Variants in PSG8 observed in about 807,000 individuals in gnomAD.
PSG8 encodes pregnancy specific beta-1-glycoprotein 8.
PSG8 carries 57 observed loss-of-function variants against 42.5 expected under a neutral mutation model. That is an observed-to-expected ratio of 1.34 (90% CI 1.08 to 1.67). The LOEUF (loss-of-function observed/expected upper bound fraction) is 1.67. Among genes scored for constraint, PSG8 ranks in the 40% most tolerant of loss-of-function variants. PSG8 has a pLI of 0.00. For synonymous variants in PSG8, 280 were observed against 196.8 expected (o/e 1.42, Z -3.54); for missense variants, 783 against 518.6 (o/e 1.51, Z -4.95).
At chr19:42,753,997 G>A, downstream of PSG8, 1 of 734,380 alleles carries the variant, frequency 1.4e-6, no homozygotes, top group Non-Finnish European at 2.2e-6. Context: ...GGTTAAAAGA[G>A]AAAAATTCCG....
chr19:42,755,137 A>T lies in PSG8; in HGVS notation c.839T>A (p.Leu280His), dbSNP rs560841302. The T allele has an allele frequency of 2.4e-5, 39 of 1,611,860 alleles. No homozygotes were observed. The South Asian group carries it at 4.3e-4, about 18-fold the overall frequency. The change falls in exon 4 of 5, where the codon CTC becomes CAC. Residue 280 changes from leucine (L) to histidine (H), a missense_variant. Physicochemically the swap from Leu to His is moderately conservative, Grantham distance 99. Coordinates refer to ENST00000306511, the MANE Select transcript of PSG8 (RefSeq NM_182707.3). ...TCGCTTTACCCTGGGACTGACCGGG[A>T]GGCTCTGACCATTTAGCCACCAAAT... Reference protein sequence around the residue: ...TYIWWLNGQSLPVSPRVKRPI... With the variant: ...TYIWWLNGQSHPVSPRVKRPI...
At chr19:42,764,388 A>G (rs1970162184) in intron 1 of PSG8, 107 bp from the exon 2 acceptor site, 7 of 1,485,764 alleles carry the variant, frequency 4.7e-6, no homozygotes, top group Middle Eastern at 2.2e-4. Flanking sequence ...CCTTGAAGAC[A>G]CAGACACACA....
rs779228247 is a variant in PSG8, at chr19:42,754,550, G to A, written c.1026C>T (p.Thr342=). Residue 342 remains threonine, a synonymous_variant, in exon 5 of 5, where the codon ACC becomes ACT. Coordinates refer to ENST00000306511, the MANE Select transcript of PSG8 (RefSeq NM_182707.3). ...AGAGGACTTCTCCTGAACGGTAATA[G>A]GTGAATGAAGGGTAAATTCTGGGGA... The part of the protein sequence containing the change: ...PDLPRIYPSF[T]YYRSGEVLYL... 37 of 1,613,548 alleles carry A rather than the reference G, an allele frequency of 2.3e-5. No homozygotes were observed. Among genetic ancestry groups the A allele is most frequent in the Non-Finnish European group, 2.9e-5 (34 of 1,179,634 alleles).
intron 2 of PSG8, among the ~76,000 whole-genome samples, chr19:42,762,402 C>T (rs1970100141): frequency 6.6e-6 from 1 of 152,004 alleles, no homozygotes. Context: ...GCTTTAGGGG[C>T]AAGAGGTAGT....
intron 2 of PSG8, among the ~76,000 whole-genome samples, chr19:42,760,643 CA>C (rs1455303143): frequency 2.6e-5 from 4 of 151,976 alleles, no homozygotes; most frequent in Non-Finnish European, 5.9e-5. Flanking sequence ...AGTGCAGTGG[CA>C]TGATCTCATC....
chr19:42,755,345 A>T (rs1969897270), intron 3 of PSG8, 79 bp from the exon 4 acceptor site: 1 of 1,576,502 alleles, frequency 6.3e-7, no homozygotes, highest in South Asian at 1.2e-5. Flanking sequence ...CAGAGTTGGC[A>T]TCTCCCACTT....
chr19:42,765,117 A>G (rs1252211648), intron 1 of PSG8, among the ~76,000 whole-genome samples: 4 of 150,694 alleles, frequency 2.7e-5, no homozygotes, highest in African/African-American at 9.7e-5. Flanking sequence ...CCCCCTATCC[A>G]GGCTCCAATA....
downstream of PSG8, chr19:42,753,298 A>C (rs1969826419): frequency 1.3e-6 from 1 of 780,380 alleles, no homozygotes; most frequent in East Asian, 2.4e-5. Flanking sequence ...CTTCTGGAAC[A>C]GAGTGGGTCT....
chr19:42,759,195 G>A (rs1378233961), intron 2 of PSG8, among the ~76,000 whole-genome samples: 1 of 152,098 alleles, frequency 6.6e-6, no homozygotes, highest in Admixed American at 6.5e-5. Flanking sequence ...TTGGGAAGAA[G>A]CCTTGCAGAT....
chr19:42,764,016 C>A lies in PSG8; in HGVS notation c.330G>T (p.Gln110His). Reference sequence around the variant, plus strand: ...ATCCTGCGTCTTCCTGGGTGACATTCTGGATCAGCAGGGATGCATTGGAAT... The same window carrying A: ...ATCCTGCGTCTTCCTGGGTGACATTATGGATCAGCAGGGATGCATTGGAAT... ...TIYSNASLLIQNVTQEDAGSY... is the reference protein window; with the variant it reads ...TIYSNASLLIHNVTQEDAGSY... The change falls in exon 2 of 5, where the codon CAG becomes CAT. Residue 110 changes from glutamine to histidine, a missense_variant. Physicochemically the swap from Gln to His is conservative, Grantham distance 24. Coordinates refer to ENST00000306511, the MANE Select transcript of PSG8 (RefSeq NM_182707.3). The A allele has an allele frequency of 6.2e-7, 1 of 1,611,680 alleles. No individual in the cohort carries two copies. The highest frequency in any genetic ancestry group is 1.1e-5 in the South Asian group (1 of 90,746).
At chr19:42,759,659 A>G (rs1478805508) in intron 2 of PSG8, among the ~76,000 whole-genome samples, 1 of 152,106 alleles carries the variant, frequency 6.6e-6, no homozygotes, top group African/African-American at 2.4e-5. Context: ...TCAATTTGTA[A>G]TACTGTAATT....
rs7255419 is a variant in PSG8, at chr19:42,764,100, A to T, written c.246T>A (p.Tyr82Ter). The T allele has an allele frequency of 6.2e-7, 1 of 1,613,864 alleles. No homozygotes were observed. The highest frequency in any genetic ancestry group is 1.1e-5 in the South Asian group (1 of 91,072). The change falls in exon 2 of 5, where the codon TAT (tyrosine) becomes TAA (stop). Residue 82 changes from tyrosine to a stop codon, truncating the protein, a stop_gained. Coordinates refer to ENST00000306511, the MANE Select transcript of PSG8 (RefSeq NM_182707.3). LOFTEE classifies it high-confidence loss of function. ...ATATAATTATTTGACCGTCTACTAC[A>T]TATGATGTAATGTAATGGTAGAGGT... ...IRDLYHYITS[Y>*]VVDGQIIIYG...
chr19:42,765,384 T>C, intron 1 of PSG8, 134 bp downstream of exon 1: 1 of 1,389,986 alleles, frequency 7.2e-7, no homozygotes, highest in Non-Finnish European at 9.9e-7. Context: ...GAACTCCTGA[T>C]CTCATGATCC....
At chr19:42,764,638 ACC>A (rs1970170184) in intron 1 of PSG8, among the ~76,000 whole-genome samples, 2 of 151,664 alleles carry the variant, frequency 1.3e-5, no homozygotes. Context: ...CTTTCCTGAC[ACC>A]TCCTTCAGAT....
intron 2 of PSG8, among the ~76,000 whole-genome samples, chr19:42,760,829 G>A (rs939194471): frequency 3.3e-5 from 5 of 152,066 alleles, no homozygotes; most frequent in African/African-American, 7.2e-5. Flanking sequence ...TGCCCGCCTC[G>A]GCCTCCGAAA....
intron 2 of PSG8, 42 bp downstream of exon 2, chr19:42,763,874 C>T (rs371799367): frequency 2.6e-5 from 42 of 1,613,128 alleles, no homozygotes; most frequent in Non-Finnish European, 3.5e-5. Flanking sequence ...GTAGAAGTGA[C>T]CCCTGTCCCC....
chr19:42,758,576 C>T (rs554425423), intron 2 of PSG8: 31 of 513,622 alleles, frequency 6.0e-5, no homozygotes, highest in Admixed American at 1.1e-4. Flanking sequence ...TGAGTCCCTC[C>T]GTCTCCAACT....
At chr19:42,764,895 A>G (rs954655045) in intron 1 of PSG8, among the ~76,000 whole-genome samples, 11 of 151,582 alleles carry the variant, frequency 7.3e-5, no homozygotes, top group African/African-American at 9.7e-5. Flanking sequence ...TTTCCCCCCA[A>G]TTGTTGAGGT....
chr19:42,754,845 C>T (rs1969876459), intron 4 of PSG8, 143 bp downstream of exon 4: 1 of 1,515,282 alleles, frequency 6.6e-7, no homozygotes, highest in African/African-American at 1.4e-5. Context: ...CCAGGTTTTC[C>T]CAGGGCAGGG....
Sources: allele counts gnomAD v4.1 joint callset (sites outside exome capture counted in the v4.1 genomes callset), GRCh38; gene constraint gnomAD v4.1.1; transcripts MANE v1.5; gene names NCBI Gene and HGNC (gene_info 2026-07-23, HGNC 2026-07-21).